The following KANSL1 variants were observed in gnomAD, a reference collection of about 807,000 sequenced individuals.
The protein encoded by KANSL1 is KAT8 regulatory NSL complex subunit 1.
A neutral mutation model predicts 103.6 loss-of-function variants in KANSL1; 22 were observed. That is an observed-to-expected ratio of 0.21 (90% CI 0.15 to 0.30). The LOEUF is 0.30. Ranked by LOEUF, KANSL1 falls within the 10% of genes least tolerant of loss-of-function variation. The probability of loss-of-function intolerance (pLI) is 1.00; values close to 1 mark genes in which losing one functional copy is unlikely to be tolerated. For synonymous variants in KANSL1, 600 were observed against 527.6 expected (o/e 1.14, Z -1.88); for missense variants, 1,337 against 1,399.8 (o/e 0.96, Z 0.72).
At chr17:46,183,413 TCTCTA>T (rs2046877549) in intron 1 of KANSL1, among the ~76,000 whole-genome samples, 1 of 151,526 alleles carries the variant, frequency 6.6e-6, no homozygotes, top group Non-Finnish European at 1.5e-5. Context: ...TGAGACCCAG[TCTCTA>T]AAAAAATAAT....
At chr17:46,123,585 T>C (rs776106081) in intron 2 of KANSL1, among the ~76,000 whole-genome samples, 25 of 152,306 alleles carry the variant, frequency 1.6e-4, no homozygotes, top group Non-Finnish European at 3.4e-4. Flanking sequence ...ATTGCTGATA[T>C]GGACAAAGTT....
At chr17:46,050,471 C>A in intron 7 of KANSL1, 62 bp downstream of exon 7, 1 of 1,513,082 alleles carries the variant, frequency 6.6e-7, no homozygotes, top group Non-Finnish European at 9.0e-7. Flanking sequence ...GGCTGATTTT[C>A]TTTCACCTAG....
intron 2 of KANSL1, among the ~76,000 whole-genome samples, chr17:46,108,756 G>T (rs1401637548): frequency 1.3e-5 from 2 of 152,192 alleles, no homozygotes; most frequent in African/African-American, 4.8e-5. Context: ...ATTCCAGACT[G>T]AAGCTAACCC....
chr17:46,057,350 TA>T (rs890013611), intron 6 of KANSL1, among the ~76,000 whole-genome samples: 13 of 150,892 alleles, frequency 8.6e-5, no homozygotes, highest in Admixed American at 5.3e-4. Context: ...AATTGGTAAA[TA>T]AAAAAAAACA....
chr17:46,195,187 TGAAA>T, upstream of KANSL1, among the ~76,000 whole-genome samples: 1 of 152,244 alleles, frequency 6.6e-6, no homozygotes, highest in Non-Finnish European at 1.5e-5. Context: ...CTGAGGCTCC[TGAAA>T]TCTAAATTAG....
rs867432967 is a variant in KANSL1, at chr17:46,076,320, C to T, written c.1533+6121G>A. On this transcript the variant is annotated intron_variant, in intron 4 of 14. Coordinates refer to ENST00000432791, the MANE Select transcript of KANSL1 (RefSeq NM_015443.4). Reference sequence around the variant, plus strand: ...GACTAGCCTGGCCAACATGGTGAAACCCCCGTCTCCACTAAAAATACAAAA... The same window carrying T: ...GACTAGCCTGGCCAACATGGTGAAATCCCCGTCTCCACTAAAAATACAAAA... Among the ~76,000 whole-genome samples, 160 of 151,484 alleles carry T rather than the reference C, an allele frequency of 1.1e-3. 1 individual carries two copies. The Middle Eastern group carries it at 0.027, about 26-fold the overall frequency.
intron 6 of KANSL1, among the ~76,000 whole-genome samples, chr17:46,051,020 T>C (rs1455886479): frequency 6.6e-6 from 1 of 152,248 alleles, no homozygotes; most frequent in Non-Finnish European, 1.5e-5. Flanking sequence ...AAAACTGTGC[T>C]TTCTGAGAAC....
intron 2 of KANSL1, among the ~76,000 whole-genome samples, chr17:46,132,862 G>T (rs528880077): frequency 1.2e-3 from 172 of 140,528 alleles, no homozygotes; most frequent in African/African-American, 4.1e-3. Flanking sequence ...AGGATCACTT[G>T]AGCCTGGGAG....
chr17:46,185,698 C>CATAA (rs1567781995), intron 1 of KANSL1, among the ~76,000 whole-genome samples: 4 of 107,808 alleles, frequency 3.7e-5, no homozygotes, highest in Non-Finnish European at 7.8e-5. Flanking sequence ...TATATACACA[C>CATAA]ACACACACAC....
chr17:46,207,509 CAA>C (rs1306453312), intron 1 of KANSL1, among the ~76,000 whole-genome samples: 23 of 113,696 alleles, frequency 2.0e-4, no homozygotes, highest in Admixed American at 1.8e-4. Context: ...ACTCCATCTC[CAA>C]AAAAAAAAAA....
In KANSL1 at chr17:46,161,496, G is replaced by A. The variant is rs553393918; in HGVS notation, c.1289+9359C>T. Among the ~76,000 whole-genome samples, 76 of 152,024 alleles carry A rather than the reference G, an allele frequency of 5.0e-4. 1 individual carries two copies. The highest frequency in any genetic ancestry group is 1.8e-3 in the African/African-American group (74 of 41,472). On this transcript the variant is annotated intron_variant, in intron 2 of 14. Coordinates refer to ENST00000432791, the MANE Select transcript of KANSL1 (RefSeq NM_015443.4). ...ATCAGTTCGGTCAAAATCCTCCTGG[G>A]TTCTCAGGTTTAAGACTAATTCAGT... is the stretch of plus-strand genomic sequence containing the variant.
chr17:46,132,097 T>C (rs540249404), intron 2 of KANSL1, among the ~76,000 whole-genome samples: 1 of 152,028 alleles, frequency 6.6e-6, no homozygotes, highest in Admixed American at 6.6e-5. Flanking sequence ...ATTGCACTCC[T>C]GCCTGGGCCA....
chr17:46,103,223 T>A (rs556132618), intron 2 of KANSL1, among the ~76,000 whole-genome samples: 7 of 152,368 alleles, frequency 4.6e-5, no homozygotes, highest in African/African-American at 1.7e-4. Flanking sequence ...CTTTTATTTA[T>A]CTCAGACCCT....
At chr17:46,071,125 T>C (rs1267643593) in intron 4 of KANSL1, among the ~76,000 whole-genome samples, 1 of 152,246 alleles carries the variant, frequency 6.6e-6, no homozygotes, top group Non-Finnish European at 1.5e-5. Flanking sequence ...ATGAATGTTA[T>C]TGATTTTCTT....
At chr17:46,155,470 T>C (rs1449019279) in intron 2 of KANSL1, among the ~76,000 whole-genome samples, 5 of 152,218 alleles carry the variant, frequency 3.3e-5, no homozygotes, top group Non-Finnish European at 5.9e-5. Flanking sequence ...GGGGATTATT[T>C]TGACCTTACC....
rs189559669 is a variant in KANSL1, at chr17:46,086,502, G to C, written c.1432-3960C>G. 4.6e-5 allele frequency among the ~76,000 whole-genome samples: 7 copies of C among 152,300 alleles called. No homozygotes were observed. In the East Asian group the frequency reaches 1.3e-3, roughly 29 times the overall value. ...ACTAAGGATACAAGAAAAAATGAGA[G>C]ACCTATCCCTCTCCCCTAACCCATC... On this transcript the variant is annotated intron_variant, in intron 3 of 14. Coordinates refer to ENST00000432791, the MANE Select transcript of KANSL1 (RefSeq NM_015443.4).
At chr17:46,119,133 C>A (rs1160751354) in intron 2 of KANSL1, among the ~76,000 whole-genome samples, 1 of 152,206 alleles carries the variant, frequency 6.6e-6, no homozygotes, top group African/African-American at 2.4e-5. Flanking sequence ...TGTGCTACAA[C>A]ATTACATGAC....
chr17:46,100,861 C>T (rs796638111), intron 2 of KANSL1, among the ~76,000 whole-genome samples: 9 of 152,310 alleles, frequency 5.9e-5, no homozygotes, highest in African/African-American at 1.9e-4. Context: ...CAGAAAAACC[C>T]GAATGGTGGT....
chr17:46,170,830 G>A, intron 2 of KANSL1, 25 bp downstream of exon 2: 1 of 1,551,202 alleles, frequency 6.4e-7, no homozygotes, highest in Non-Finnish European at 8.7e-7. Flanking sequence ...TCTCAAGAAT[G>A]CTATCATGCA....
Sources: allele counts gnomAD v4.1 joint callset (sites outside exome capture counted in the v4.1 genomes callset), GRCh38; gene constraint gnomAD v4.1.1; transcripts MANE v1.5; gene names NCBI Gene and HGNC (gene_info 2026-07-23, HGNC 2026-07-21).